The following POC5 variants were observed in gnomAD, a reference collection of about 807,000 sequenced individuals.
POC5 encodes the protein centrosomal protein POC5.
A neutral mutation model predicts 62.9 loss-of-function variants in POC5; 48 were observed. The ratio of observed to expected loss-of-function variants is 0.76; its 90% CI spans 0.61 to 0.97. POC5 has a LOEUF of 0.97. POC5 is among the 50% of genes least tolerant of loss of function. POC5 has a pLI of 0.00. For missense variants in POC5, 696 were observed against 679.5 expected (o/e 1.02, Z -0.27); for synonymous variants, 236 against 228.2 (o/e 1.03, Z -0.31).
chr5:75,683,708 A>G (rs559292294), intron 10 of POC5, among the ~76,000 whole-genome samples: 1 of 151,802 alleles, frequency 6.6e-6, no homozygotes, highest in African/African-American at 2.4e-5. Context: ...CTAGTTAAAA[A>G]AAAAAAAAAA....
chr5:75,697,387 GT>G (rs372600715), intron 5 of POC5, among the ~76,000 whole-genome samples: 25,337 of 151,852 alleles, frequency 0.17, 2,229 homozygotes, highest in South Asian at 0.21. Flanking sequence ...CCAGAAGAGA[GT>G]GGGGGCCAAT....
At chr5:75,682,192 C>T (rs149293010) in intron 10 of POC5, among the ~76,000 whole-genome samples, 300 of 97,802 alleles carry the variant, frequency 3.1e-3, no homozygotes, top group African/African-American at 0.012. Flanking sequence ...TCAACACTAT[C>T]TCCGATGACC....
chr5:75,707,902 T>C, intron 2 of POC5, 27 bp from the exon 3 acceptor site: 3 of 1,541,294 alleles, frequency 1.9e-6, no homozygotes, highest in Non-Finnish European at 1.8e-6. Context: ...ATCAATAATG[T>C]AGTGTAACAG....
At chr5:75,703,618 T>C (rs1776993326) in intron 4 of POC5, among the ~76,000 whole-genome samples, 1 of 152,052 alleles carries the variant, frequency 6.6e-6, no homozygotes, top group South Asian at 2.1e-4. Context: ...AATGAGACTC[T>C]GTCTCCAAAA....
intron 11 of POC5, among the ~76,000 whole-genome samples, chr5:75,676,545 C>A (rs1484000564): frequency 4.0e-5 from 4 of 100,458 alleles, no homozygotes; most frequent in African/African-American, 1.2e-4. Context: ...CCAGCTAGTA[C>A]TCGGGAAAAA....
At chr5:75,692,580 A>C (rs1432156767) in intron 6 of POC5, 80 bp from the exon 7 acceptor site, 76 of 976,024 alleles carry the variant, frequency 7.8e-5, no homozygotes, top group Non-Finnish European at 1.1e-4. Context: ...ATATCAAAAA[A>C]TGCTAGAGAG....
chr5:75,694,797 A>G lies in POC5; in HGVS notation c.548T>C (p.Leu183Pro). ...NIISELSKWR[L>P]NFIDWHRMEM... ...CATTCGGTGCCAGTCAATAAAATTA[A>G]GTCTCCATTTACTTAGTTCAGATAT... is the stretch of plus-strand genomic sequence containing the variant. Residue 183 changes from leucine (L) to proline (P), a missense_variant, in exon 6 of 12, where the codon CTT becomes CCT. Physicochemically the swap from Leu to Pro is moderately conservative, Grantham distance 98. Coordinates refer to ENST00000428202, the MANE Select transcript of POC5 (RefSeq NM_001099271.2). 6.4e-7 allele frequency: 1 copy of G among 1,566,844 alleles called. No individual in the cohort carries two copies. The highest frequency in any genetic ancestry group is 8.7e-7 in the Non-Finnish European group (1 of 1,143,502).
In POC5 at chr5:75,712,258, CTCA is replaced by C. The variant is rs563817303; in HGVS notation, c.84+593_84+595del. ...ATTTAAGATATACCATGTCATTATT[CTCA>C]TATTTAAAATCTACTCCAGAAATCT... On this transcript the variant is annotated intron_variant, in intron 2 of 11. Coordinates refer to ENST00000428202, the MANE Select transcript of POC5 (RefSeq NM_001099271.2). 8.4e-4 allele frequency: 1,052 copies of C among 1,251,350 alleles called. 10 individuals carry two copies. The African/African-American group carries it at 0.014, about 16-fold the overall frequency. The allele number at this position is 1,251,350 out of a possible 1,614,324, so 77.5% of individuals were successfully genotyped here.
intron 1 of POC5, among the ~76,000 whole-genome samples, chr5:75,714,531 G>A (rs1213054619): frequency 6.6e-6 from 1 of 152,186 alleles, no homozygotes; most frequent in East Asian, 1.9e-4. Flanking sequence ...AGACAGTTGT[G>A]TTATGGTGAT....
intron 5 of POC5, among the ~76,000 whole-genome samples, chr5:75,700,781 C>T (rs1176122595): frequency 7.2e-5 from 10 of 139,306 alleles, no homozygotes; most frequent in African/African-American, 1.8e-4. Context: ...AGTGAACAGG[C>T]AACCTACAAA....
At chr5:75,711,419 C>A (rs1777338643) in intron 2 of POC5, among the ~76,000 whole-genome samples, 1 of 152,094 alleles carries the variant, frequency 6.6e-6, no homozygotes, top group Non-Finnish European at 1.5e-5. Flanking sequence ...TGCTGCCCAT[C>A]CCTCAGCATT....
At chr5:75,701,507 G>A (rs912303070) in intron 5 of POC5, among the ~76,000 whole-genome samples, 1 of 143,204 alleles carries the variant, frequency 7.0e-6, no homozygotes, top group Non-Finnish European at 1.5e-5. Context: ...ACTGATAGGT[G>A]GGAATTGAAC....
At chr5:75,695,994 G>C (rs1230125739) in intron 5 of POC5, 1 of 152,850 alleles carries the variant, frequency 6.5e-6, no homozygotes, top group Non-Finnish European at 1.5e-5. Flanking sequence ...CGAATACTGC[G>C]CTTTTCCGAG....
At chr5:75,700,564 C>T (rs1387362370) in intron 5 of POC5, among the ~76,000 whole-genome samples, 9 of 149,922 alleles carry the variant, frequency 6.0e-5, no homozygotes, top group East Asian at 3.9e-4. Flanking sequence ...ATACAAAAAT[C>T]AATTCAAGAT....
At chr5:75,703,142 TG>T (rs1421935672) in intron 4 of POC5, among the ~76,000 whole-genome samples, 1 of 152,232 alleles carries the variant, frequency 6.6e-6, no homozygotes, top group African/African-American at 2.4e-5. Context: ...AAGTGCTTTC[TG>T]TTTCTGTAAT....
At position 75,690,384 on chromosome 5, in the gene POC5, A is replaced by G; in HGVS notation, c.974T>C (p.Met325Thr). 6.2e-7 allele frequency: 1 copy of G among 1,605,398 alleles called. No individual in the cohort carries two copies. Among genetic ancestry groups the G allele is most frequent in the East Asian group, 2.2e-5 (1 of 44,802 alleles). The change falls in exon 8 of 12, where the codon ATG (methionine) becomes ACG (threonine). Residue 325 changes from methionine (M) to threonine (T), a missense_variant and splice_region_variant. Coordinates refer to ENST00000428202, the MANE Select transcript of POC5 (RefSeq NM_001099271.2). ...TGAAAACCAGAAAAAGATGCTTACC[A>G]TAGCAACTTTGGCTTCATAATCATT... ...ISNDYEAKVA[M>T]LSGALENAKA...
chr5:75,715,178 T>C (rs971325626), intron 1 of POC5, among the ~76,000 whole-genome samples: 2 of 151,624 alleles, frequency 1.3e-5, no homozygotes, highest in Admixed American at 6.6e-5. Flanking sequence ...GGCGTGGTGG[T>C]GGGCGCCTGT....
intron 1 of POC5, 146 bp from the exon 2 acceptor site, chr5:75,713,097 AGGC>A: frequency 3.3e-6 from 2 of 609,864 alleles, no homozygotes; most frequent in Admixed American, 3.2e-5. Flanking sequence ...GAGTACCTAC[AGGC>A]AAAAAATCAC....
intron 9 of POC5, among the ~76,000 whole-genome samples, chr5:75,685,944 T>C (rs1466015440): frequency 6.6e-6 from 1 of 152,210 alleles, no homozygotes; most frequent in South Asian, 2.1e-4. Flanking sequence ...CTCATTTTCA[T>C]GTATTGCGCC....
Sources: allele counts gnomAD v4.1 joint callset (sites outside exome capture counted in the v4.1 genomes callset), GRCh38; gene constraint gnomAD v4.1.1; transcripts MANE v1.5; gene names NCBI Gene and HGNC (gene_info 2026-07-23, HGNC 2026-07-21).